Variants in SAMHD1 observed in about 807,000 individuals in gnomAD.
SAMHD1 encodes SAM and HD domain containing deoxynucleoside triphosphate triphosphohydrolase 1.
A neutral mutation model predicts 79.6 loss-of-function variants in SAMHD1; 54 were observed. The ratio of observed to expected loss-of-function variants is 0.68; its 90% CI spans 0.55 to 0.85. The LOEUF is 0.85. Ranked by LOEUF, SAMHD1 falls within the 40% of genes least tolerant of loss-of-function variation. The probability of loss-of-function intolerance (pLI) is 0.00; values close to 1 mark genes in which losing one functional copy is unlikely to be tolerated. For synonymous variants in SAMHD1, 260 were observed against 264.1 expected, an observed-to-expected ratio of 0.98 and a Z score of 0.15; for missense variants, 663 against 782.7, an observed-to-expected ratio of 0.85 and a Z score of 1.82.
chr20:36,930,537 T>C (rs573929818), intron 5 of SAMHD1, among the ~76,000 whole-genome samples: 22 of 151,966 alleles, frequency 1.4e-4, no homozygotes, highest in Non-Finnish European at 8.8e-5. Flanking sequence ...GCAAAGATGT[T>C]TAACATGAGA....
In SAMHD1 at chr20:36,892,826, T is replaced by C; in HGVS notation, c.*106A>G. The C allele has an allele frequency of 2.1e-6, 3 of 1,449,812 alleles. No individual in the cohort carries two copies. Among genetic ancestry groups the C allele is most frequent in the Non-Finnish European group, 2.9e-6 (3 of 1,030,448 alleles). The allele number at this position is 1,449,812 out of a possible 1,614,324, so 89.8% of individuals were successfully genotyped here. On this transcript the variant is annotated 3_prime_UTR_variant, in exon 16 of 16. Coordinates refer to ENST00000646673, the MANE Select transcript of SAMHD1 (RefSeq NM_015474.4). ...CTTCAGCATGCGTGTACATTCAAAA[T>C]ACAAAATTAAAGCATGAGTTGTCAT...
intron 9 of SAMHD1, chr20:36,916,459 C>A (rs2063476390): frequency 5.1e-6 from 2 of 391,664 alleles, no homozygotes; most frequent in Non-Finnish European, 9.4e-6. Context: ...CAGTGAGATC[C>A]TATTTCAAAA....
intron 3 of SAMHD1, chr20:36,935,484 G>A (rs1233275224): frequency 2.5e-6 from 1 of 393,224 alleles, no homozygotes; most frequent in Non-Finnish European, 4.7e-6. Context: ...AGTTTGTCTT[G>A]TATTCAAGTT....
intron 13 of SAMHD1, among the ~76,000 whole-genome samples, chr20:36,902,057 T>C (rs138084977): frequency 6.6e-6 from 1 of 152,276 alleles, no homozygotes; most frequent in South Asian, 2.1e-4. Flanking sequence ...TAATGGCCTA[T>C]AGTTTATCTT....
At chr20:36,900,894 T>C (rs1036070581) in intron 13 of SAMHD1, among the ~76,000 whole-genome samples, 1 of 152,068 alleles carries the variant, frequency 6.6e-6, no homozygotes, top group African/African-American at 2.4e-5. Flanking sequence ...TTAAATAGCT[T>C]GAAGGAGAAT....
At chr20:36,908,628 C>A (rs1237230501) in intron 11 of SAMHD1, among the ~76,000 whole-genome samples, 1 of 152,108 alleles carries the variant, frequency 6.6e-6, no homozygotes, top group Non-Finnish European at 1.5e-5. Context: ...ATTTTACATG[C>A]CTTTTCCCCC....
intron 6 of SAMHD1, among the ~76,000 whole-genome samples, chr20:36,925,508 T>C (rs2063531312): frequency 6.6e-6 from 1 of 152,228 alleles, no homozygotes; most frequent in South Asian, 2.1e-4. Context: ...ACCAGAGTAC[T>C]TCATCAAAAT....
At chr20:36,896,884 T>TG (rs11086825) in intron 15 of SAMHD1, among the ~76,000 whole-genome samples, 7 of 151,406 alleles carry the variant, frequency 4.6e-5, no homozygotes, top group African/African-American at 1.2e-4. Flanking sequence ...TTTTCTACCC[T>TG]GACAGGTCTC....
Position 36,925,262 on chromosome 20 carries a change from T to A in SAMHD1, c.696+1920A>T, listed in dbSNP as rs186193847. Among the ~76,000 whole-genome samples, 287 of 151,862 alleles carry A rather than the reference T, an allele frequency of 1.9e-3. 1 individual carries two copies. The highest frequency in any genetic ancestry group is 6.4e-3 in the African/African-American group (267 of 41,408). On this transcript the variant is annotated intron_variant, in intron 6 of 15. Coordinates refer to ENST00000646673, the MANE Select transcript of SAMHD1 (RefSeq NM_015474.4). Reference sequence around the variant, plus strand: ...GTGAAAGGCAAAATGCTTAAAGGAATAGATTTGGTAATGATTGAGAAGATC... The same window carrying A: ...GTGAAAGGCAAAATGCTTAAAGGAAAAGATTTGGTAATGATTGAGAAGATC...
chr20:36,918,801 CAAAAAAA>C (rs60403097), intron 7 of SAMHD1, among the ~76,000 whole-genome samples: 2 of 65,462 alleles, frequency 3.1e-5, no homozygotes, highest in Non-Finnish European at 2.7e-5. Flanking sequence ...GACTCTATCT[CAAAAAAA>C]AAAAAAAAAA....
chr20:36,904,767 A>G (rs929640064), intron 12 of SAMHD1: 1 of 180,460 alleles, frequency 5.5e-6, no homozygotes, highest in African/African-American at 2.4e-5. Flanking sequence ...AAAAAAAGTG[A>G]CATTAACCTA....
At chr20:36,905,586 T>C (rs1382271338) in intron 11 of SAMHD1, 83 bp from the exon 12 acceptor site, 4 of 1,222,670 alleles carry the variant, frequency 3.3e-6, no homozygotes, top group Non-Finnish European at 4.7e-6. Context: ...ATTGAAATGA[T>C]CTTAACAGGC....
intron 5 of SAMHD1, among the ~76,000 whole-genome samples, chr20:36,928,413 G>A (rs1212841467): frequency 6.6e-6 from 1 of 151,872 alleles, no homozygotes; most frequent in Non-Finnish European, 1.5e-5. Flanking sequence ...GGGGCTGGGC[G>A]CGGTGGCTCA....
At chr20:36,950,981 C>G (rs1295574047) in intron 1 of SAMHD1, among the ~76,000 whole-genome samples, 1 of 152,170 alleles carries the variant, frequency 6.6e-6, no homozygotes, top group African/African-American at 2.4e-5. Flanking sequence ...AGCAAGCCGC[C>G]CACCAAGGTC....
Position 36,930,887 on chromosome 20 carries a change from A to G in SAMHD1, c.510-12T>C. 1.3e-6 allele frequency: 2 copies of G among 1,580,144 alleles called. No homozygotes were observed. Among genetic ancestry groups the G allele is most frequent in the Non-Finnish European group, 1.7e-6 (2 of 1,149,380 alleles). On this transcript the variant is annotated splice_polypyrimidine_tract_variant and intron_variant, in intron 4 of 15. Transcript: ENST00000646673. ...CTAGATACCCCACCCTGCAGAGCAAAAACACAAAAAGTCACTTTTCTGTTT... is the reference window on the plus strand; with the variant it reads ...CTAGATACCCCACCCTGCAGAGCAAGAACACAAAAAGTCACTTTTCTGTTT...
At chr20:36,948,042 C>T (rs552202871) in intron 1 of SAMHD1, among the ~76,000 whole-genome samples, 12 of 152,140 alleles carry the variant, frequency 7.9e-5, no homozygotes, top group African/African-American at 2.9e-4. Flanking sequence ...AAGACCTAAC[C>T]TTAAAAAATC....
Position 36,899,967 on chromosome 20 carries a change from G to A in SAMHD1, c.1504-1423C>T, listed in dbSNP as rs562938340. ...AAATTAGCCAGATGTGGTGGCAGGC[G>A]CCTGTAGTCCCGGCTACTCAGGAGG... On this transcript the variant is annotated intron_variant, in intron 13 of 15. Coordinates refer to ENST00000646673, the MANE Select transcript of SAMHD1 (RefSeq NM_015474.4). Among the ~76,000 whole-genome samples, 47 of 151,782 alleles carry A rather than the reference G, an allele frequency of 3.1e-4. No individual in the cohort carries two copies. The East Asian group carries it at 7.9e-3, about 25-fold the overall frequency.
At chr20:36,932,307 C>T (rs2063572335) in intron 4 of SAMHD1, among the ~76,000 whole-genome samples, 3 of 137,642 alleles carry the variant, frequency 2.2e-5, no homozygotes, top group Non-Finnish European at 3.1e-5. Flanking sequence ...GCCGAGATTG[C>T]GCCATTGCAC....
intron 1 of SAMHD1, among the ~76,000 whole-genome samples, chr20:36,947,352 C>CGTTGT (rs2063695206): frequency 3.0e-5 from 1 of 33,244 alleles, no homozygotes. Flanking sequence ...TGTGTGTGTC[C>CGTTGT]TGGGAAAGCA....
Sources: gnomAD v4.1 joint callset for allele counts (sites outside exome capture counted in the v4.1 genomes callset) on GRCh38, gnomAD v4.1.1 for gene constraint, MANE v1.5 for transcripts, NCBI Gene and HGNC (gene_info 2026-07-23, HGNC 2026-07-21) for gene names.